The following WWOX variants were observed in gnomAD, a reference collection of about 807,000 sequenced individuals.
WWOX encodes the protein WW domain-containing oxidoreductase.
A neutral mutation model predicts 46.2 loss-of-function variants in WWOX; 69 were observed. The observed-to-expected ratio is 1.49, with a 90% CI of 1.23 to 1.82. The LOEUF is 1.82. Among genes scored for constraint, WWOX ranks in the 40% most tolerant of loss-of-function variants. The probability of loss-of-function intolerance (pLI) is 0.00; values close to 1 mark genes in which losing one functional copy is unlikely to be tolerated. For synonymous variants in WWOX, 359 were observed against 202.6 expected (o/e 1.77, Z -6.56); for missense variants, 919 against 542.6 (o/e 1.69, Z -6.89).
chr16:78,585,286 C>T (rs2045168513), intron 8 of WWOX, among the ~76,000 whole-genome samples: 1 of 152,212 alleles, frequency 6.6e-6, no homozygotes, highest in Non-Finnish European at 1.5e-5. Flanking sequence ...CAGGCCTTGG[C>T]AGCAGTTCTC....
chr16:78,880,865 C>T (rs2044328067), intron 8 of WWOX, among the ~76,000 whole-genome samples: 1 of 151,952 alleles, frequency 6.6e-6, no homozygotes, highest in Non-Finnish European at 1.5e-5. Flanking sequence ...AATGCTCTGC[C>T]TTCTTGTCTA....
intron 8 of WWOX, among the ~76,000 whole-genome samples, chr16:78,935,049 A>G (rs1390853412): frequency 5.3e-5 from 8 of 152,328 alleles, no homozygotes; most frequent in East Asian, 1.9e-4. Flanking sequence ...CAAAACCACA[A>G]TGAGATACCA....
intron 8 of WWOX, among the ~76,000 whole-genome samples, chr16:78,523,360 G>C (rs1460651100): frequency 6.6e-6 from 1 of 152,214 alleles, no homozygotes; most frequent in Non-Finnish European, 1.5e-5. Flanking sequence ...TGAGAGCCCT[G>C]CTTCCCCTCT....
Position 78,139,518 on chromosome 16 carries a change from G to A in WWOX, c.409+24364G>A, listed in dbSNP as rs529201462. ...AAATTAGTTGGGCGTACTGGCAGGC[G>A]CCTATAATCCCAGCTACTCGGGAGG... On this transcript the variant is annotated intron_variant, in intron 4 of 8. Transcript: ENST00000566780. Among the ~76,000 whole-genome samples the A allele has an allele frequency of 5.9e-4, 90 of 152,214 alleles. 1 individual carries two copies. Among genetic ancestry groups the A allele is most frequent in the Admixed American group, 3.4e-3 (52 of 15,284 alleles).
At chr16:78,407,268 A>G (rs148195044) in intron 6 of WWOX, among the ~76,000 whole-genome samples, 163 of 152,320 alleles carry the variant, frequency 1.1e-3, no homozygotes, top group African/African-American at 3.6e-3. Flanking sequence ...TGAATTTCAG[A>G]GTATTTCCAA....
chr16:78,768,286 A>T (rs894667908), intron 8 of WWOX, among the ~76,000 whole-genome samples: 2 of 148,982 alleles, frequency 1.3e-5, no homozygotes, highest in African/African-American at 4.9e-5. Flanking sequence ...AGTTAAAAAA[A>T]AAAAAAAAAA....
intron 5 of WWOX, among the ~76,000 whole-genome samples, chr16:78,320,189 C>A (rs1358515388): frequency 6.6e-6 from 1 of 152,154 alleles, no homozygotes; most frequent in African/African-American, 2.4e-5. Context: ...ACCTTCCTTG[C>A]ATGTACGAGC....
intron 8 of WWOX, among the ~76,000 whole-genome samples, chr16:78,623,594 C>A (rs2046239792): frequency 6.6e-6 from 1 of 152,038 alleles, no homozygotes; most frequent in South Asian, 2.1e-4. Flanking sequence ...GGATGAGAAT[C>A]ACTTGAACCC....
At chr16:78,797,429 C>T (rs79630695) in intron 8 of WWOX, among the ~76,000 whole-genome samples, 3,353 of 148,514 alleles carry the variant, frequency 0.023, 124 homozygotes, top group African/African-American at 0.067. Flanking sequence ...AGCTTGTAGT[C>T]ATTTCCCCAA....
chr16:78,516,679 A>T (rs1398537618), intron 8 of WWOX, among the ~76,000 whole-genome samples: 2 of 152,214 alleles, frequency 1.3e-5, no homozygotes, highest in African/African-American at 4.8e-5. Flanking sequence ...TGCAGGGTAT[A>T]TACTTTTGCA....
intron 5 of WWOX, among the ~76,000 whole-genome samples, chr16:78,173,254 C>T (rs964199380): frequency 2.0e-5 from 3 of 152,144 alleles, no homozygotes; most frequent in African/African-American, 4.8e-5. Context: ...AATACTAACT[C>T]ACTCGGTGTC....
chr16:79,205,103 C>T (rs915982816), intron 8 of WWOX: 1 of 152,224 alleles, frequency 6.6e-6, no homozygotes, highest in Non-Finnish European at 1.5e-5. Context: ...CTCACAGGTT[C>T]TCTCTGAACA....
intron 8 of WWOX, among the ~76,000 whole-genome samples, chr16:78,781,855 C>G (rs898744724): frequency 6.6e-6 from 1 of 152,176 alleles, no homozygotes; most frequent in African/African-American, 2.4e-5. Flanking sequence ...CAGTTATGAG[C>G]AGGTAACATG....
At chr16:78,647,648 A>C (rs933178108) in intron 8 of WWOX, among the ~76,000 whole-genome samples, 1 of 152,236 alleles carries the variant, frequency 6.6e-6, no homozygotes, top group Non-Finnish European at 1.5e-5. Flanking sequence ...CTGAGTGCTG[A>C]CAGGCACATC....
chr16:78,803,692 C>G (rs560678264), intron 8 of WWOX, among the ~76,000 whole-genome samples: 1 of 152,226 alleles, frequency 6.6e-6, no homozygotes, highest in African/African-American at 2.4e-5. Flanking sequence ...CTCCTAGGCT[C>G]AAGCAGTCTT....
chr16:78,571,130 G>T (rs528509085), intron 8 of WWOX, among the ~76,000 whole-genome samples: 3 of 152,198 alleles, frequency 2.0e-5, no homozygotes, highest in Non-Finnish European at 4.4e-5. Flanking sequence ...CAGTAGAAGA[G>T]AAATGTACAT....
At chr16:78,983,976 C>T (rs2046734977) in intron 8 of WWOX, among the ~76,000 whole-genome samples, 1 of 139,496 alleles carries the variant, frequency 7.2e-6, no homozygotes, top group South Asian at 2.3e-4. Flanking sequence ...ATCCCAGGTT[C>T]ACGCTATTCT....
chr16:78,533,270 T>A (rs1026334559), intron 8 of WWOX, among the ~76,000 whole-genome samples: 2 of 152,078 alleles, frequency 1.3e-5, no homozygotes, highest in African/African-American at 4.8e-5. Flanking sequence ...TGGCCGGGCA[T>A]GGTGGCTCAT....
chr16:78,462,234 C>G (rs892986871), intron 8 of WWOX, among the ~76,000 whole-genome samples: 1 of 151,160 alleles, frequency 6.6e-6, no homozygotes, highest in Non-Finnish European at 1.5e-5. Context: ...TTCTCTCTTG[C>G]TCACGCTCTT....
Sources: allele counts gnomAD v4.1 joint callset (sites outside exome capture counted in the v4.1 genomes callset), GRCh38; gene constraint gnomAD v4.1.1; transcripts MANE v1.5; gene names NCBI Gene and HGNC (gene_info 2026-07-23, HGNC 2026-07-21).